The following MTOR variants were observed in gnomAD, a reference collection of about 807,000 sequenced individuals.
MTOR encodes serine/threonine-protein kinase mTOR.
A neutral mutation model predicts 319.8 loss-of-function variants in MTOR; 70 were observed. The observed-to-expected ratio is 0.22, with a 90% CI of 0.18 to 0.27. The LOEUF (loss-of-function observed/expected upper bound fraction) is 0.27, where lower values mean the gene tolerates loss of function less well. Ranked by LOEUF, MTOR falls within the 10% of genes least tolerant of loss-of-function variation. MTOR has a pLI of 1.00. For synonymous variants in MTOR, 1,183 were observed against 1,211.4 expected, an observed-to-expected ratio of 0.98 and a Z score of 0.49; for missense variants, 1,890 against 3,274.4, an observed-to-expected ratio of 0.58 and a Z score of 10.32.
intron 25 of MTOR, among the ~76,000 whole-genome samples, chr1:11,208,679 G>C (rs1246282306): frequency 1.3e-5 from 2 of 152,224 alleles, no homozygotes; most frequent in Non-Finnish European, 2.9e-5. Context: ...TGATTCACTA[G>C]AGATGCTTTG....
At chr1:11,207,826 T>C (rs1292064598) in intron 25 of MTOR, among the ~76,000 whole-genome samples, 1 of 152,238 alleles carries the variant, frequency 6.6e-6, no homozygotes, top group Admixed American at 6.5e-5. Context: ...GAAATAGATC[T>C]GAGAGTGAGC....
In MTOR at chr1:11,237,966, G is replaced by A. The variant is rs761997574; in HGVS notation, c.2085C>T (p.Ala695=). 1.2e-6 allele frequency: 2 copies of A among 1,614,188 alleles called. No homozygotes were observed. The highest frequency in any genetic ancestry group is 2.2e-5 in the East Asian group (1 of 44,884). The change falls in exon 13 of 58, where the codon GCC becomes GCT. Residue 695 remains alanine (A), a synonymous_variant. Transcript: ENST00000361445. ...AHLAQAENLQ[A]LFVALNDQVF... Reference sequence around the variant, plus strand: ...CCTGGTCATTCAGAGCCACAAACAAGGCCTGCAAGTTCTCCGCCTGGGCCA... The same window carrying A: ...CCTGGTCATTCAGAGCCACAAACAAAGCCTGCAAGTTCTCCGCCTGGGCCA...
At chr1:11,188,585 C>T (rs999582052) in intron 28 of MTOR, among the ~76,000 whole-genome samples, 1 of 152,220 alleles carries the variant, frequency 6.6e-6, no homozygotes. Flanking sequence ...CAATCCCAGA[C>T]ATGCTTGGCA....
At chr1:11,217,954 T>C (rs1646528600) in intron 19 of MTOR, among the ~76,000 whole-genome samples, 1 of 152,150 alleles carries the variant, frequency 6.6e-6, no homozygotes, top group Non-Finnish European at 1.5e-5. Context: ...AAGAAGAGTT[T>C]GAACATATTC....
chr1:11,223,267 A>G (rs917099256), intron 19 of MTOR, among the ~76,000 whole-genome samples: 3 of 151,824 alleles, frequency 2.0e-5, no homozygotes, highest in African/African-American at 4.8e-5. Context: ...ATAGATTTTT[A>G]TTTGAATAAA....
intron 1 of MTOR, 89 bp from the exon 2 acceptor site, chr1:11,259,512 C>A: frequency 7.2e-7 from 1 of 1,390,946 alleles, no homozygotes. Flanking sequence ...ACAGATCTCC[C>A]CCTAGCCCTT....
Position 11,234,189 on chromosome 1 carries a change from G to A in MTOR, c.2285C>T (p.Ser762Phe), listed in dbSNP as rs982468860. Reference protein sequence around the residue: ...QSARMLGHLVSNAPRLIRPYM... With the variant: ...QSARMLGHLVFNAPRLIRPYM... ...GGGGCGGATGAGTCGGGGGGCATTGGAGACCAGGTGCCCCAGCATGCGGGC... is the reference window on the plus strand; with the variant it reads ...GGGGCGGATGAGTCGGGGGGCATTGAAGACCAGGTGCCCCAGCATGCGGGC... Residue 762 changes from serine (S) to phenylalanine (F), a missense_variant, in exon 14 of 58, where the codon TCC (serine) becomes TTC (phenylalanine). Physicochemically the swap from Ser to Phe is radical, Grantham distance 155 (BLOSUM62 -2). Coordinates refer to ENST00000361445, the MANE Select transcript of MTOR (RefSeq NM_004958.4). 13 of 1,614,040 alleles carry A rather than the reference G, an allele frequency of 8.1e-6. No homozygotes were observed. In the Admixed American group the frequency reaches 1.0e-4, roughly 12 times the overall value.
rs553130595 is a variant in MTOR, at chr1:11,258,051, A to G, written c.271+434T>C. Reference sequence around the variant, plus strand: ...CTTGAACCCAGGAGGCGGAGGTTGCAGCAAGCCAAGATTGCACCACTGAAC... The same window carrying G: ...CTTGAACCCAGGAGGCGGAGGTTGCGGCAAGCCAAGATTGCACCACTGAAC... On this transcript the variant is annotated intron_variant, in intron 3 of 57. Coordinates refer to ENST00000361445, the MANE Select transcript of MTOR (RefSeq NM_004958.4). 3.3e-5 allele frequency among the ~76,000 whole-genome samples: 5 copies of G among 151,856 alleles called. No homozygotes were observed. In the East Asian group the frequency reaches 9.7e-4, roughly 30 times the overall value.
intron 29 of MTOR, 53 bp from the exon 30 acceptor site, chr1:11,157,344 A>G (rs973091996): frequency 6.3e-7 from 1 of 1,584,382 alleles, no homozygotes; most frequent in Non-Finnish European, 8.6e-7. Context: ...AAGGGATCAC[A>G]TTGTTTAATC....
intron 28 of MTOR, among the ~76,000 whole-genome samples, chr1:11,172,030 C>CAA (rs1314310546): frequency 0.019 from 1,590 of 84,656 alleles, 46 homozygotes; most frequent in African/African-American, 0.064. Flanking sequence ...AACTCCATCT[C>CAA]AAAAAAAAAA....
chr1:11,198,186 A>C lies in MTOR; in HGVS notation c.4253+1072T>G, dbSNP rs148084326. On this transcript the variant is annotated intron_variant, in intron 28 of 57. Transcript: ENST00000361445. Reference sequence around the variant, plus strand: ...AGCACATTACCTAAGCCAGAGATGGAAGGAAGAAAGTGGATTTTCACATTT... The same window carrying C: ...AGCACATTACCTAAGCCAGAGATGGCAGGAAGAAAGTGGATTTTCACATTT... Among the ~76,000 whole-genome samples, 285 of 152,320 alleles carry C rather than the reference A, an allele frequency of 1.9e-3. 3 individuals carry two copies. The highest frequency in any genetic ancestry group is 6.6e-3 in the African/African-American group (275 of 41,570).
chr1:11,148,595 T>A (rs1400772852), intron 31 of MTOR, among the ~76,000 whole-genome samples: 1 of 152,078 alleles, frequency 6.6e-6, no homozygotes, highest in Non-Finnish European at 1.5e-5. Flanking sequence ...CTTCTCCTCA[T>A]CTCTCTTTAA....
At chr1:11,160,334 A>C (rs983344659) in intron 29 of MTOR, among the ~76,000 whole-genome samples, 3 of 152,076 alleles carry the variant, frequency 2.0e-5, no homozygotes, top group African/African-American at 4.8e-5. Context: ...TCCTGATCTC[A>C]GGTGATCTGC....
At chr1:11,215,046 C>T (rs969001338) in intron 20 of MTOR, among the ~76,000 whole-genome samples, 1 of 152,226 alleles carries the variant, frequency 6.6e-6, no homozygotes, top group Non-Finnish European at 1.5e-5. Context: ...CCCGTTGCAC[C>T]TTCTCTATCT....
intron 26 of MTOR, among the ~76,000 whole-genome samples, chr1:11,202,032 T>C (rs2100755319): frequency 6.6e-6 from 1 of 152,278 alleles, no homozygotes. Flanking sequence ...TCTTGAACTC[T>C]TGGCCTCAAG....
At position 11,122,054 on chromosome 1, in the gene MTOR, T is replaced by C. The variant is rs1386398922; in HGVS notation, c.6735A>G (p.Thr2245=). 2.5e-6 allele frequency: 4 copies of C among 1,614,212 alleles called. No individual in the cohort carries two copies. The highest frequency in any genetic ancestry group is 3.4e-6 in the Non-Finnish European group (4 of 1,180,042). The change falls in exon 48 of 58, where the codon ACA becomes ACG. Residue 2245 remains threonine, a synonymous_variant. Transcript: ENST00000361445. ...TGTAGTCCCGGATGAGGGCGTGCAG[T>C]GTGTCACAGTGGGGAACCCAGCCAA... is the stretch of plus-strand genomic sequence containing the variant. The part of the protein sequence containing the change: ...GLIGWVPHCD[T]LHALIRDYRE...
intron 29 of MTOR, among the ~76,000 whole-genome samples, chr1:11,164,334 GAAAAA>G (rs547043272): frequency 6.6e-5 from 4 of 60,160 alleles, no homozygotes; most frequent in South Asian, 9.9e-4. Context: ...GACTCTGCCT[GAAAAA>G]AAAAAAAAAA....
At chr1:11,246,833 A>AGGG (rs1371795021) in intron 8 of MTOR, among the ~76,000 whole-genome samples, 1 of 152,258 alleles carries the variant, frequency 6.6e-6, no homozygotes. Flanking sequence ...CTAGAGCATT[A>AGGG]TAAATTTTAC....
chr1:11,231,462 T>G, intron 16 of MTOR, 28 bp from the exon 17 acceptor site: 1 of 1,613,040 alleles, frequency 6.2e-7, no homozygotes, highest in Non-Finnish European at 8.5e-7. Context: ...CACGATTCAA[T>G]GAGCCAGTAC....
Sources: allele counts gnomAD v4.1 joint callset (sites outside exome capture counted in the v4.1 genomes callset), GRCh38; gene constraint gnomAD v4.1.1; transcripts MANE v1.5; gene names NCBI Gene and HGNC (gene_info 2026-07-23, HGNC 2026-07-21).